Variants in PALM2AKAP2 observed in about 807,000 individuals in gnomAD.
PALM2AKAP2 encodes the protein PALM2 and AKAP2 fusion.
Under a neutral mutation model 71.5 loss-of-function variants are expected in PALM2AKAP2, and 37 were observed. The ratio of observed to expected loss-of-function variants is 0.52; its 90% CI spans 0.40 to 0.68. The LOEUF is 0.68. Ranked by LOEUF, PALM2AKAP2 falls within the 30% of genes least tolerant of loss-of-function variation. The pLI, the probability that PALM2AKAP2 is intolerant of heterozygous loss-of-function variation, is 0.00. For missense variants in PALM2AKAP2, 1,224 were observed against 1,191.8 expected, an observed-to-expected ratio of 1.03 and a Z score of -0.40; for synonymous variants, 468 against 478.8, an observed-to-expected ratio of 0.98 and a Z score of 0.29.
chr9:109,900,057 A>T (rs1830294570), intron 3 of PALM2AKAP2, among the ~76,000 whole-genome samples: 1 of 152,230 alleles, frequency 6.6e-6, no homozygotes, highest in Non-Finnish European at 1.5e-5. Context: ...ATAAAGAAAG[A>T]AAACAATGAC....
At chr9:110,048,364 G>T (rs1477223571), upstream of PALM2AKAP2, among the ~76,000 whole-genome samples, 1 of 152,020 alleles carries the variant, frequency 6.6e-6, no homozygotes, top group Non-Finnish European at 1.5e-5. Flanking sequence ...ACGCCACCCC[G>T]CTCCAAAGCC....
chr9:110,019,184 G>A (rs1200388490), intron 7 of PALM2AKAP2, among the ~76,000 whole-genome samples: 1 of 147,350 alleles, frequency 6.8e-6, no homozygotes, highest in East Asian at 2.0e-4. Context: ...AGATTGCCGT[G>A]AGCCGAGTCT....
intron 6 of PALM2AKAP2, among the ~76,000 whole-genome samples, chr9:109,957,701 C>T (rs1461404145): frequency 6.6e-6 from 1 of 152,212 alleles, no homozygotes; most frequent in Non-Finnish European, 1.5e-5. Flanking sequence ...GTTCTCATTT[C>T]TTGCTTGCTA....
At chr9:109,773,958 G>A (rs1829311779) in intron 1 of PALM2AKAP2, among the ~76,000 whole-genome samples, 1 of 132,768 alleles carries the variant, frequency 7.5e-6, no homozygotes. Flanking sequence ...TAGGTGGTAG[G>A]AGCTGAAGCT....
chr9:109,759,041 G>T (rs1829010875), intron 1 of PALM2AKAP2, among the ~76,000 whole-genome samples: 1 of 151,840 alleles, frequency 6.6e-6, no homozygotes, highest in South Asian at 2.1e-4. Flanking sequence ...CTGAGCTATT[G>T]GTCTTTTTGC....
chr9:109,779,236 A>G (rs1226113438), upstream of PALM2AKAP2, among the ~76,000 whole-genome samples: 5 of 152,062 alleles, frequency 3.3e-5, no homozygotes, highest in African/African-American at 9.7e-5. Context: ...TGCTTTTGGC[A>G]TTGATCTCCT....
At chr9:109,922,850 C>T (rs147251208) in intron 3 of PALM2AKAP2, among the ~76,000 whole-genome samples, 252 of 152,292 alleles carry the variant, frequency 1.7e-3, no homozygotes, top group African/African-American at 5.9e-3. Context: ...CTCTGTGGCA[C>T]TAAAGCCTGC....
At chr9:110,087,784 C>A (rs546328830) in intron 1 of PALM2AKAP2, among the ~76,000 whole-genome samples, 2 of 152,224 alleles carry the variant, frequency 1.3e-5, no homozygotes, top group East Asian at 3.9e-4. Flanking sequence ...ATGTAGGAGA[C>A]AGTAGTGAGG....
intron 1 of PALM2AKAP2, chr9:109,765,410 T>C (rs1829132653): frequency 6.5e-6 from 1 of 153,446 alleles, no homozygotes; most frequent in South Asian, 2.0e-4. Flanking sequence ...TCAGTAATGT[T>C]ACCTGCAGTC....
intron 1 of PALM2AKAP2, among the ~76,000 whole-genome samples, chr9:110,125,347 T>C (rs777698084): frequency 6.6e-6 from 1 of 152,196 alleles, no homozygotes; most frequent in Non-Finnish European, 1.5e-5. Flanking sequence ...GGGCCTGCTC[T>C]GGCTGGGAAT....
intron 3 of PALM2AKAP2, among the ~76,000 whole-genome samples, chr9:109,888,055 G>A (rs1024863591): frequency 1.4e-4 from 21 of 152,158 alleles, no homozygotes; most frequent in Non-Finnish European, 2.1e-4. Flanking sequence ...CTTTCATGAA[G>A]TGCAGGTTTC....
chr9:109,645,326 G>A (rs931547569), intron 1 of PALM2AKAP2, among the ~76,000 whole-genome samples: 4 of 152,148 alleles, frequency 2.6e-5, no homozygotes, highest in Non-Finnish European at 5.9e-5. Context: ...CATGAGACCA[G>A]CAAGGGAAAG....
chr9:109,770,489 A>G (rs1364494312), intron 1 of PALM2AKAP2, among the ~76,000 whole-genome samples: 1 of 152,262 alleles, frequency 6.6e-6, no homozygotes, highest in African/African-American at 2.4e-5. Context: ...ACACAGTAGA[A>G]CACTTTATAC....
At chr9:109,758,530 TTGTGTGTG>T (rs10528378) in intron 1 of PALM2AKAP2, among the ~76,000 whole-genome samples, 3 of 150,690 alleles carry the variant, frequency 2.0e-5, no homozygotes, top group South Asian at 4.2e-4. Flanking sequence ...AGAGTGCAGT[TTGTGTGTG>T]TGTGTGTGTG....
intron 1 of PALM2AKAP2, among the ~76,000 whole-genome samples, chr9:109,703,732 A>G (rs191270843): frequency 7.2e-4 from 109 of 152,250 alleles, no homozygotes; most frequent in African/African-American, 1.8e-3. Flanking sequence ...TGTTTCATGA[A>G]CATATATAAA....
chr9:109,892,573 TTA>T (rs1830112013), intron 3 of PALM2AKAP2, among the ~76,000 whole-genome samples: 1 of 152,128 alleles, frequency 6.6e-6, no homozygotes, highest in South Asian at 2.1e-4. Flanking sequence ...TCAATTTAAT[TTA>T]TATGTTTCAG....
intron 1 of PALM2AKAP2, among the ~76,000 whole-genome samples, chr9:110,103,814 A>T (rs900731172): frequency 6.6e-6 from 1 of 152,216 alleles, no homozygotes; most frequent in African/African-American, 2.4e-5. Flanking sequence ...CCAGAATTAG[A>T]TGGGCCTTTG....
intron 3 of PALM2AKAP2, among the ~76,000 whole-genome samples, chr9:109,900,920 C>A (rs1481249326): frequency 3.9e-5 from 6 of 152,186 alleles, no homozygotes; most frequent in African/African-American, 1.4e-4. Flanking sequence ...ATGGTCTCTT[C>A]TTCTAAAAAG....
chr9:110,140,756 AG>A (rs1836007121), intron 2 of PALM2AKAP2, among the ~76,000 whole-genome samples: 1 of 152,130 alleles, frequency 6.6e-6, no homozygotes, highest in African/African-American at 2.4e-5. Flanking sequence ...ATCATTTTCC[AG>A]GTGGCCACTG....
Sources: gnomAD v4.1 joint callset for allele counts (sites outside exome capture counted in the v4.1 genomes callset) on GRCh38, gnomAD v4.1.1 for gene constraint, MANE v1.5 for transcripts, NCBI Gene and HGNC (gene_info 2026-07-23, HGNC 2026-07-21) for gene names.